Variants in TSPAN5 observed in about 807,000 individuals in gnomAD.
The protein encoded by TSPAN5 is tetraspanin 5.
TSPAN5 carries 10 observed loss-of-function variants against 37.1 expected under a neutral mutation model. The observed-to-expected ratio is 0.27, with a 90% CI of 0.17 to 0.46. The LOEUF (loss-of-function observed/expected upper bound fraction) is 0.46. Ranked by LOEUF, TSPAN5 falls within the 20% of genes least tolerant of loss-of-function variation. The pLI, the probability that TSPAN5 is intolerant of heterozygous loss-of-function variation, is 1.00. For missense variants in TSPAN5, 195 were observed against 326.6 expected, an observed-to-expected ratio of 0.60 and a Z score of 3.11; for synonymous variants, 110 against 118.9, an observed-to-expected ratio of 0.93 and a Z score of 0.48.
chr4:98,584,915 G>A (rs950619386), intron 1 of TSPAN5, among the ~76,000 whole-genome samples: 1 of 152,134 alleles, frequency 6.6e-6, no homozygotes, highest in African/African-American at 2.4e-5. Flanking sequence ...CCACTAAGAA[G>A]GGATTTAACA....
At chr4:98,529,953 C>G (rs1235468581) in intron 1 of TSPAN5, among the ~76,000 whole-genome samples, 1 of 152,238 alleles carries the variant, frequency 6.6e-6, no homozygotes, top group Non-Finnish European at 1.5e-5. Flanking sequence ...AGAATCTACA[C>G]TGCCATAGAA....
intron 1 of TSPAN5, among the ~76,000 whole-genome samples, chr4:98,549,762 A>T (rs1754565613): frequency 6.7e-6 from 1 of 148,916 alleles, no homozygotes; most frequent in Non-Finnish European, 1.5e-5. Context: ...AAGTTGTTTG[A>T]GTTTCTTGTA....
intron 1 of TSPAN5, among the ~76,000 whole-genome samples, chr4:98,536,859 G>T (rs1436489321): frequency 6.6e-6 from 1 of 152,170 alleles, no homozygotes; most frequent in South Asian, 2.1e-4. Context: ...AAGCTCTAGT[G>T]CCCCAGGTGG....
intron 7 of TSPAN5, among the ~76,000 whole-genome samples, chr4:98,472,936 T>C (rs902344468): frequency 6.6e-6 from 1 of 152,210 alleles, no homozygotes; most frequent in Non-Finnish European, 1.5e-5. Context: ...GGGAATCATA[T>C]AATATGGGGC....
chr4:98,568,767 T>G (rs959181930), intron 1 of TSPAN5, among the ~76,000 whole-genome samples: 1 of 152,174 alleles, frequency 6.6e-6, no homozygotes, highest in Non-Finnish European at 1.5e-5. Flanking sequence ...AGCCAAGACA[T>G]GCAAAATCAT....
intron 1 of TSPAN5, among the ~76,000 whole-genome samples, chr4:98,617,618 C>T (rs1756371687): frequency 6.6e-6 from 1 of 152,148 alleles, no homozygotes; most frequent in Non-Finnish European, 1.5e-5. Flanking sequence ...TAGCACATGT[C>T]CTGCAAGGCA....
intron 1 of TSPAN5, among the ~76,000 whole-genome samples, chr4:98,606,729 T>G (rs1399102830): frequency 6.6e-6 from 1 of 152,246 alleles, no homozygotes; most frequent in South Asian, 2.1e-4. Flanking sequence ...TTAAAATTCC[T>G]GAATTTTTGT....
At position 98,490,445 on chromosome 4, in the gene TSPAN5, T is replaced by C. The variant is rs540201681; in HGVS notation, c.133-3561A>G. 1.1e-3 allele frequency among the ~76,000 whole-genome samples: 168 copies of C among 152,318 alleles called. 1 individual carries two copies. Among genetic ancestry groups the C allele is most frequent in the South Asian group, 3.5e-3 (17 of 4,826 alleles). ...TCTCTCCAGCCTTCAGAGGCAGTTT[T>C]AATTGAGAGCCTTCAACTGTTTCCA... On this transcript the variant is annotated intron_variant, in intron 2 of 7. Transcript: ENST00000305798.
At position 98,557,373 on chromosome 4, in the gene TSPAN5, C is replaced by T. The variant is rs139152199; in HGVS notation, c.82-49645G>A. Reference sequence around the variant, plus strand: ...TCTGGCGTGCTACTAAGAACACACTCGGGGAGGAATACAAATTCTACAGTC... The same window carrying T: ...TCTGGCGTGCTACTAAGAACACACTTGGGGAGGAATACAAATTCTACAGTC... On this transcript the variant is annotated intron_variant, in intron 1 of 7. Coordinates refer to ENST00000305798, the MANE Select transcript of TSPAN5 (RefSeq NM_005723.4). Among the ~76,000 whole-genome samples, 664 of 152,196 alleles carry T rather than the reference C, an allele frequency of 4.4e-3. 4 individuals carry two copies. The highest frequency in any genetic ancestry group is 0.014 in the Middle Eastern group (4 of 292).
chr4:98,483,033 A>G (rs1752883051), intron 3 of TSPAN5: 2 of 152,214 alleles, frequency 1.3e-5, no homozygotes, highest in East Asian at 1.9e-4. Context: ...GCTTAGTCAT[A>G]TCGACTTACT....
At chr4:98,576,120 A>G (rs1755230784) in intron 1 of TSPAN5, among the ~76,000 whole-genome samples, 1 of 152,152 alleles carries the variant, frequency 6.6e-6, no homozygotes, top group Non-Finnish European at 1.5e-5. Flanking sequence ...TCAGCCTCTG[A>G]TAACTTAGGT....
chr4:98,479,346 T>C (rs575859031), intron 4 of TSPAN5, among the ~76,000 whole-genome samples: 12 of 152,278 alleles, frequency 7.9e-5, no homozygotes, highest in Admixed American at 5.9e-4. Flanking sequence ...GATGAAATGC[T>C]CCTGATTACT....
rs186349196 is a variant in TSPAN5, at chr4:98,475,854, G to T, written c.741+335C>A. Among the ~76,000 whole-genome samples, 68 of 152,056 alleles carry T rather than the reference G, an allele frequency of 4.5e-4. 1 individual carries two copies. The highest frequency in any genetic ancestry group is 1.6e-3 in the African/African-American group (66 of 41,522). On this transcript the variant is annotated intron_variant, in intron 7 of 7. Coordinates refer to ENST00000305798, the MANE Select transcript of TSPAN5 (RefSeq NM_005723.4). ...AATACAAAAAAATTAGCCGGGCGTAGTGGCGGGCACCTGTAGTCCCAGCTA... is the reference window on the plus strand; with the variant it reads ...AATACAAAAAAATTAGCCGGGCGTATTGGCGGGCACCTGTAGTCCCAGCTA...
intron 1 of TSPAN5, among the ~76,000 whole-genome samples, chr4:98,630,077 T>G (rs1452324380): frequency 2.0e-5 from 3 of 152,000 alleles, no homozygotes; most frequent in Non-Finnish European, 1.5e-5. Context: ...AGATGGGCCC[T>G]GTCCTGAATT....
At chr4:98,645,400 G>A (rs1457583582) in intron 1 of TSPAN5, among the ~76,000 whole-genome samples, 5 of 152,140 alleles carry the variant, frequency 3.3e-5, no homozygotes, top group African/African-American at 1.2e-4. Context: ...TGTTTCAGAT[G>A]GACTATATCT....
chr4:98,566,851 T>C (rs1259653067), intron 1 of TSPAN5, among the ~76,000 whole-genome samples: 2 of 152,162 alleles, frequency 1.3e-5, no homozygotes, highest in Non-Finnish European at 2.9e-5. Context: ...GACAGGAGAT[T>C]CAAACCCCAA....
At chr4:98,477,649 A>G (rs1752734102) in intron 5 of TSPAN5, among the ~76,000 whole-genome samples, 1 of 146,538 alleles carries the variant, frequency 6.8e-6, no homozygotes, top group Non-Finnish European at 1.5e-5. Flanking sequence ...TCATTCTAAC[A>G]CTAGAGAGTT....
chr4:98,507,109 T>C (rs962580301), intron 2 of TSPAN5, among the ~76,000 whole-genome samples: 1 of 152,186 alleles, frequency 6.6e-6, no homozygotes, highest in Non-Finnish European at 1.5e-5. Context: ...CTGTATTTGA[T>C]CATAAACTGA....
At chr4:98,609,782 A>T (rs189140760) in intron 1 of TSPAN5, among the ~76,000 whole-genome samples, 1 of 152,172 alleles carries the variant, frequency 6.6e-6, no homozygotes, top group Non-Finnish European at 1.5e-5. Context: ...AGGCAAGAAG[A>T]CCCCACACCC....
Sources: gnomAD v4.1 joint callset for allele counts (sites outside exome capture counted in the v4.1 genomes callset) on GRCh38, gnomAD v4.1.1 for gene constraint, MANE v1.5 for transcripts, NCBI Gene and HGNC (gene_info 2026-07-23, HGNC 2026-07-21) for gene names.